Variants in PRELP observed in about 807,000 individuals in gnomAD.
The protein encoded by PRELP is prolargin.
Under a neutral mutation model 22.8 loss-of-function variants are expected in PRELP, and 16 were observed. That is an observed-to-expected ratio of 0.70 (90% CI 0.47 to 1.06). The LOEUF is 1.06. Among genes scored for constraint, PRELP ranks in the 50% least tolerant of loss-of-function variants. The pLI, the probability that PRELP is intolerant of heterozygous loss-of-function variation, is 0.00. For synonymous variants in PRELP, 233 were observed against 211.4 expected, an observed-to-expected ratio of 1.10 and a Z score of -0.89; for missense variants, 434 against 485.2, an observed-to-expected ratio of 0.89 and a Z score of 0.99.
rs778421658 is a variant in PRELP at position 203,486,689 on chromosome 1, G to C, written c.974-17G>C. ...AGCCTCCACTCCCTTCTGATTTCTC[G>C]TCTTCTTTTTCCGTAGAAATCAACG... On this transcript the variant is annotated splice_polypyrimidine_tract_variant and intron_variant, in intron 2 of 2. Coordinates refer to ENST00000343110, the MANE Select transcript of PRELP (RefSeq NM_002725.4). 6.3e-7 allele frequency: 1 copy of C among 1,599,812 alleles called. No homozygotes were observed. The highest frequency in any genetic ancestry group is 8.6e-7 in the Non-Finnish European group (1 of 1,168,208).
chr1:203,483,723 A>T lies in PRELP; in HGVS notation c.539A>T (p.Gln180Leu). Residue 180 changes from glutamine to leucine, a missense_variant, in exon 2 of 3, where the codon CAG becomes CTG. By Grantham distance (113) the Gln-to-Leu change is moderately radical. Transcript: ENST00000343110. This position sits in a 1 kb window ranked among gnomAD's most constrained non-coding sequence, Gnocchi z 4.4. ...PRNLEQLRLS[Q>L]NHISRIPPGV... ...AACCTGGAGCAGCTGAGGCTGAGCC[A>T]GAACCACATCTCCAGAATCCCGCCT... 1 of 1,614,224 alleles carries T rather than the reference A, an allele frequency of 6.2e-7. No homozygotes were observed. The highest frequency in any genetic ancestry group is 1.3e-5 in the African/African-American group (1 of 75,060).
rs764572362 is a variant in PRELP at position 203,483,594 on chromosome 1, G to A, written c.410G>A (p.Arg137Gln). ...GLRWINLDNN[R>Q]IRKIDQRVLE... is the part of the protein sequence containing the mutation. ...CGATGGATTAACCTGGACAACAACC[G>A]AATCCGCAAGATAGACCAGAGGGTG... Residue 137 changes from arginine to glutamine, a missense_variant, in exon 2 of 3, where the codon CGA becomes CAA. Physicochemically the swap from Arg to Gln is conservative, Grantham distance 43 (BLOSUM62 1). Coordinates refer to ENST00000343110, the MANE Select transcript of PRELP (RefSeq NM_002725.4). The surrounding 1 kb of genome is among the most constrained non-coding windows in gnomAD (Gnocchi z 4.4). 14 of 1,614,076 alleles carry A rather than the reference G, an allele frequency of 8.7e-6. No homozygotes were observed. The highest frequency in any genetic ancestry group is 5.5e-5 in the South Asian group (5 of 91,084).
chr1:203,482,209 C>T (rs1363590234), intron 1 of PRELP, among the ~76,000 whole-genome samples: 5 of 152,012 alleles, frequency 3.3e-5, no homozygotes, highest in African/African-American at 7.2e-5. Context: ...GGACTGAGGG[C>T]CAGAGTGGTT....
Position 203,483,289 on chromosome 1 carries a change from A to ACCCAGGCCCAGG in PRELP, c.116_127dup (p.Arg39_Pro42dup). Reference sequence around the variant, plus strand: ...GACCCGGGACTGGGCCCGGGCGCAGACCCAGGCCCAGGCCCAGGCCCACAC... The same window carrying ACCCAGGCCCAGG: ...GACCCGGGACTGGGCCCGGGCGCAGACCCAGGCCCAGGCCCAGGCCCAGGCCCAGGCCCACAC... On this transcript the variant is annotated inframe_insertion, in exon 2 of 3. Transcript: ENST00000343110. The surrounding 1 kb of genome is among the most constrained non-coding windows in gnomAD (Gnocchi z 4.4). The ACCCAGGCCCAGG allele has an allele frequency of 6.2e-7, 1 of 1,613,396 alleles. No individual in the cohort carries two copies. Among genetic ancestry groups the ACCCAGGCCCAGG allele is most frequent in the Non-Finnish European group, 8.5e-7 (1 of 1,179,690 alleles).
intron 1 of PRELP, among the ~76,000 whole-genome samples, chr1:203,478,741 C>T (rs1415920400): frequency 6.6e-6 from 1 of 152,114 alleles, no homozygotes; most frequent in African/African-American, 2.4e-5. Context: ...CCCACTGCCC[C>T]AGGCAAGCTC....
In PRELP at chr1:203,483,220, C is replaced by G. The variant is rs1414038432; in HGVS notation, c.36C>G (p.Leu12=). 3 of 1,570,416 alleles carry G rather than the reference C, an allele frequency of 1.9e-6. No homozygotes were observed. The African/African-American group carries it at 4.1e-5, about 22-fold the overall frequency. Residue 12 remains leucine, a synonymous_variant, in exon 2 of 3, where the codon CTC becomes CTG. Coordinates refer to ENST00000343110, the MANE Select transcript of PRELP (RefSeq NM_002725.4). This position sits in a 1 kb window ranked among gnomAD's most constrained non-coding sequence, Gnocchi z 4.4. ...RSPLCWLLPL[L]ILASVAQGQP... is the part of the protein sequence containing the mutation. Reference sequence around the variant, plus strand: ...CCCTCTGCTGGCTCCTCCCACTTCTCATCTTGGCCTCAGTGGCCCAAGGCC... The same window carrying G: ...CCCTCTGCTGGCTCCTCCCACTTCTGATCTTGGCCTCAGTGGCCCAAGGCC...
chr1:203,491,258 T>G lies in PRELP; in HGVS notation c.*4377T>G, dbSNP rs567285558. The G allele has an allele frequency of 6.6e-6, 1 of 152,008 alleles. No homozygotes were observed. Among genetic ancestry groups the G allele is most frequent in the Admixed American group, 6.5e-5 (1 of 15,268 alleles). The allele number at this position is 152,008 out of a possible 1,614,324, so 9.4% of individuals were successfully genotyped here. ...TTTTCCATTACCTACCCACATCTTA[T>G]AAAATGGCCCCATCCCTATCTCCCT... On this transcript the variant is annotated 3_prime_UTR_variant, in exon 3 of 3. Transcript: ENST00000343110. The surrounding 1 kb of genome is among the most constrained non-coding windows in gnomAD (Gnocchi z 4.4).
chr1:203,483,445 C>T lies in PRELP; in HGVS notation c.261C>T (p.Leu87=). Residue 87 remains leucine (L), a synonymous_variant, in exon 2 of 3, where the codon CTC becomes CTT. Transcript: ENST00000343110. The surrounding 1 kb of genome is among the most constrained non-coding windows in gnomAD (Gnocchi z 4.4). ...GCCCCCCTGATTTCCCATCTGCCCT[C>T]TACTGTGATAGCCGCAACCTGCGAA... ...CYCPPDFPSA[L]YCDSRNLRKV... 1 of 1,614,192 alleles carries T rather than the reference C, an allele frequency of 6.2e-7. No individual in the cohort carries two copies. Among genetic ancestry groups the T allele is most frequent in the Non-Finnish European group, 8.5e-7 (1 of 1,180,030 alleles).
chr1:203,480,743 C>T (rs1340765902), intron 1 of PRELP, among the ~76,000 whole-genome samples: 2 of 152,204 alleles, frequency 1.3e-5, no homozygotes, highest in East Asian at 3.8e-4. Flanking sequence ...ATAACTTGCT[C>T]CTGGGAGCAT....
chr1:203,483,799 C>T lies in PRELP; in HGVS notation c.615C>T (p.Asn205=), dbSNP rs2102209365. Residue 205 remains asparagine (N), a synonymous_variant, in exon 2 of 3, where the codon AAC becomes AAT. Transcript: ENST00000343110. The surrounding 1 kb of genome is among the most constrained non-coding windows in gnomAD (Gnocchi z 4.4). ...ENLLLLDLQH[N]RLSDGVFKPD... ...TGCTGCTCCTGGATCTCCAGCACAA[C>T]AGGCTGAGCGACGGCGTCTTCAAGC... 6.2e-7 allele frequency: 1 copy of T among 1,614,226 alleles called. No individual in the cohort carries two copies. The highest frequency in any genetic ancestry group is 2.2e-5 in the East Asian group (1 of 44,882).
At position 203,487,949 on chromosome 1, in the gene PRELP, G is replaced by C. The variant is rs1349880665; in HGVS notation, c.*1068G>C. The C allele has an allele frequency of 6.6e-6, 1 of 152,264 alleles. No individual in the cohort carries two copies. The highest frequency in any genetic ancestry group is 6.5e-5 in the Admixed American group (1 of 15,290). The allele number at this position is 152,264 out of a possible 1,614,324, so 9.4% of individuals were successfully genotyped here. A position where few individuals can be genotyped will look rare whatever the true frequency, so the allele number is the denominator to read the frequency against. ...ACGCATCGGTGCCACCTAGTGGCTG[G>C]TGGGAGTAACAGCTGGTCCCAGTCT... On this transcript the variant is annotated 3_prime_UTR_variant, in exon 3 of 3. Transcript: ENST00000343110.
rs2004131 is a variant in PRELP at position 203,490,068 on chromosome 1, G to T, written c.*3187G>T. ...TAATTGCTCTAACAAGATGAGTGGG[G>T]AAAAGATTATACTCTTAAGAAATTC... On this transcript the variant is annotated 3_prime_UTR_variant, in exon 3 of 3. Coordinates refer to ENST00000343110, the MANE Select transcript of PRELP (RefSeq NM_002725.4). The T allele has an allele frequency of 0.31, 45,683 of 148,746 alleles. 6,824 individuals are homozygous for T. The highest frequency in any genetic ancestry group is 0.33 in the Middle Eastern group (93 of 286). The allele number at this position is 148,746 out of a possible 1,614,324, so 9.2% of individuals were successfully genotyped here.
Position 203,483,181 on chromosome 1 carries a change from G to T in PRELP, c.-4G>T, listed in dbSNP as rs760526859. The T allele has an allele frequency of 6.5e-7, 1 of 1,531,368 alleles. No individual in the cohort carries two copies. The highest frequency in any genetic ancestry group is 8.8e-7 in the Non-Finnish European group (1 of 1,141,974). The allele number at this position is 1,531,368 out of a possible 1,614,324, so 94.9% of individuals were successfully genotyped here. A position where few individuals can be genotyped will look rare whatever the true frequency, so the allele number is the denominator to read the frequency against. On this transcript the variant is annotated 5_prime_UTR_variant, in exon 2 of 3. Transcript: ENST00000343110. This position sits in a 1 kb window ranked among gnomAD's most constrained non-coding sequence, Gnocchi z 4.4. ...CTTCTCCCTGCAGGTGCATCACCTG[G>T]ATCATGAGGTCACCCCTCTGCTGGC...
rs942105868 is a variant in PRELP at position 203,483,620 on chromosome 1, C to T, written c.436C>T (p.Leu146=). The part of the protein sequence containing the change: ...NRIRKIDQRV[L]EKLPGLVFLY... ...AATCCGCAAGATAGACCAGAGGGTG[C>T]TGGAGAAACTGCCCGGCCTGGTGTT... The change falls in exon 2 of 3, where the codon CTG becomes TTG. Residue 146 remains leucine, a synonymous_variant. Coordinates refer to ENST00000343110, the MANE Select transcript of PRELP (RefSeq NM_002725.4). This position sits in a 1 kb window ranked among gnomAD's most constrained non-coding sequence, Gnocchi z 4.4. 6.2e-7 allele frequency: 1 copy of T among 1,614,216 alleles called. No homozygotes were observed. The highest frequency in any genetic ancestry group is 8.5e-7 in the Non-Finnish European group (1 of 1,180,044).
Position 203,486,938 on chromosome 1 carries a change from C to T in PRELP, c.*57C>T. On this transcript the variant is annotated 3_prime_UTR_variant, in exon 3 of 3. Coordinates refer to ENST00000343110, the MANE Select transcript of PRELP (RefSeq NM_002725.4). Reference sequence around the variant, plus strand: ...GCACTTGAAGGCTGGGGCCCAGGCACCTGTGCCGGCCATTCGTTTTCTCTC... The same window carrying T: ...GCACTTGAAGGCTGGGGCCCAGGCATCTGTGCCGGCCATTCGTTTTCTCTC... The T allele has an allele frequency of 2.0e-6, 3 of 1,483,566 alleles. No homozygotes were observed. Among genetic ancestry groups the T allele is most frequent in the South Asian group, 2.6e-5 (2 of 77,422 alleles). 91.9% of individuals were successfully genotyped at this position (1,483,566 alleles called of 1,614,324 possible).
chr1:203,484,558 C>T (rs1661062537), intron 2 of PRELP, among the ~76,000 whole-genome samples: 1 of 152,250 alleles, frequency 6.6e-6, no homozygotes. Context: ...CTGCTAAAAA[C>T]AGAACAGAGA....
chr1:203,483,131 G>A lies in PRELP; in HGVS notation c.-16-38G>A. The A allele has an allele frequency of 6.9e-7, 1 of 1,455,976 alleles. No individual in the cohort carries two copies. The highest frequency in any genetic ancestry group is 9.3e-7 in the Non-Finnish European group (1 of 1,079,708). The allele number at this position is 1,455,976 out of a possible 1,614,324, so 90.2% of individuals were successfully genotyped here. A position where few individuals can be genotyped will look rare whatever the true frequency, so the allele number is the denominator to read the frequency against. Reference sequence around the variant, plus strand: ...AAAACATGACAACTAGTTACTGAGGGCCCAAGGATAATGACCTTATGTGTC... The same window carrying A: ...AAAACATGACAACTAGTTACTGAGGACCCAAGGATAATGACCTTATGTGTC... On this transcript the variant is annotated intron_variant, in intron 1 of 2. Transcript: ENST00000343110. The surrounding 1 kb of genome is among the most constrained non-coding windows in gnomAD (Gnocchi z 4.4).
At position 203,483,209 on chromosome 1, in the gene PRELP, C is replaced by G; in HGVS notation, c.25C>G (p.Leu9Val). 6.4e-7 allele frequency: 1 copy of G among 1,558,408 alleles called. No homozygotes were observed. Among genetic ancestry groups the G allele is most frequent in the Non-Finnish European group, 8.7e-7 (1 of 1,155,996 alleles). The change falls in exon 2 of 3, where the codon CTC becomes GTC. Residue 9 changes from leucine to valine, a missense_variant. Leu to Val is a conservative substitution (Grantham distance 32). Transcript: ENST00000343110. This position sits in a 1 kb window ranked among gnomAD's most constrained non-coding sequence, Gnocchi z 4.4. MRSPLCWL[L>V]PLLILASVAQ... ...CATGAGGTCACCCCTCTGCTGGCTC[C>G]TCCCACTTCTCATCTTGGCCTCAGT...
intron 1 of PRELP, among the ~76,000 whole-genome samples, chr1:203,476,636 AG>A (rs1225343742): frequency 3.9e-5 from 6 of 152,170 alleles, no homozygotes; most frequent in African/African-American, 1.4e-4. Flanking sequence ...GGGAGCTGGA[AG>A]GGTTTCTTCA....
Sources: gnomAD v4.1 joint callset for allele counts (sites outside exome capture counted in the v4.1 genomes callset) on GRCh38, gnomAD v4.1.1 for gene constraint, Gnocchi (gnomAD v3.1) non-coding constraint, MANE v1.5 for transcripts, NCBI Gene and HGNC (gene_info 2026-07-23, HGNC 2026-07-21) for gene names.